The following SLC9A9 variants were observed in gnomAD, a reference collection of about 807,000 sequenced individuals.
The protein encoded by SLC9A9 is solute carrier family 9 member A9, also known as sodium/hydrogen exchanger 9.
A neutral mutation model predicts 77.8 loss-of-function variants in SLC9A9; 62 were observed. That is an observed-to-expected ratio of 0.80 (90% CI 0.65 to 0.98). The LOEUF (loss-of-function observed/expected upper bound fraction) is 0.98. SLC9A9 is among the 50% of genes least tolerant of loss of function. The pLI is 0.00. For synonymous variants in SLC9A9, 320 were observed against 283.5 expected, an observed-to-expected ratio of 1.13 and a Z score of -1.29; for missense variants, 775 against 774.9, an observed-to-expected ratio of 1.00 and a Z score of 0.00.
chr3:143,609,591 C>T (rs973396603), intron 6 of SLC9A9, among the ~76,000 whole-genome samples: 4 of 152,130 alleles, frequency 2.6e-5, no homozygotes, highest in Non-Finnish European at 1.5e-5. Context: ...TTTCCTCCCT[C>T]TCTGACACCC....
In SLC9A9 at chr3:143,495,330, G is replaced by A. The variant is rs767716984; in HGVS notation, c.1203+5C>T. The A allele has an allele frequency of 6.3e-7, 1 of 1,599,482 alleles. No individual in the cohort carries two copies. The highest frequency in any genetic ancestry group is 8.6e-7 in the Non-Finnish European group (1 of 1,166,718). ...TCACCCCATGTTCTGTATTTCAAAG[G>A]ATACAAAGGCTCCAAGTATAAAAAG... is the stretch of plus-strand genomic sequence containing the variant. On this transcript the variant is annotated splice_donor_5th_base_variant and intron_variant, in intron 10 of 15. Coordinates refer to ENST00000316549, the MANE Select transcript of SLC9A9 (RefSeq NM_173653.4).
chr3:143,563,831 G>C (rs1324677003), intron 8 of SLC9A9, among the ~76,000 whole-genome samples: 1 of 152,060 alleles, frequency 6.6e-6, no homozygotes, highest in Admixed American at 6.6e-5. Flanking sequence ...TAATATAAAT[G>C]GTTCAGTTTT....
chr3:143,624,502 C>T (rs2038280570), intron 6 of SLC9A9, among the ~76,000 whole-genome samples: 1 of 152,080 alleles, frequency 6.6e-6, no homozygotes, highest in South Asian at 2.1e-4. Context: ...TAAACAAAAC[C>T]AATGACAAAA....
intron 4 of SLC9A9, among the ~76,000 whole-genome samples, chr3:143,736,943 C>G (rs1934955457): frequency 6.6e-6 from 1 of 152,188 alleles, no homozygotes; most frequent in Non-Finnish European, 1.5e-5. Flanking sequence ...TTATTTCCCA[C>G]TTTCTCTGAC....
At chr3:143,559,560 GT>G (rs563044713) in intron 8 of SLC9A9, among the ~76,000 whole-genome samples, 69 of 143,414 alleles carry the variant, frequency 4.8e-4, no homozygotes, top group South Asian at 4.7e-3. Flanking sequence ...TTCAGTCTTT[GT>G]TTTTTTTTTT....
At chr3:143,740,411 C>T (rs1935047172) in intron 4 of SLC9A9, among the ~76,000 whole-genome samples, 1 of 152,126 alleles carries the variant, frequency 6.6e-6, no homozygotes, top group South Asian at 2.1e-4. Flanking sequence ...AGCCATTCCT[C>T]TGTTACTGTC....
At chr3:143,322,887 C>T (rs1215512348) in intron 14 of SLC9A9, among the ~76,000 whole-genome samples, 2 of 152,000 alleles carry the variant, frequency 1.3e-5, no homozygotes, top group Admixed American at 6.6e-5. Context: ...GGGGAAAAGA[C>T]ACCAAAGAAC....
At position 143,638,912 on chromosome 3, in the gene SLC9A9, ATTC is replaced by A. The variant is rs1457055150; in HGVS notation, c.755+13340_755+13342del. On this transcript the variant is annotated intron_variant, in intron 6 of 15. Coordinates refer to ENST00000316549, the MANE Select transcript of SLC9A9 (RefSeq NM_173653.4). Reference sequence around the variant, plus strand: ...AGCTCAAGTAATATGAGCAGATTATATTCTCCAGGCCAAGAGAGAGCTTTTAAT... The same window carrying A: ...AGCTCAAGTAATATGAGCAGATTATATCCAGGCCAAGAGAGAGCTTTTAAT... 2.0e-5 allele frequency among the ~76,000 whole-genome samples: 3 copies of A among 152,234 alleles called. No individual in the cohort carries two copies. In the South Asian group the frequency reaches 6.2e-4, roughly 31 times the overall value.
intron 12 of SLC9A9, among the ~76,000 whole-genome samples, chr3:143,410,492 C>T (rs1316017234): frequency 2.6e-5 from 4 of 152,220 alleles, no homozygotes; most frequent in African/African-American, 9.6e-5. Flanking sequence ...TTCGACTTCT[C>T]TTACTTCCTA....
intron 4 of SLC9A9, among the ~76,000 whole-genome samples, chr3:143,760,359 G>A (rs1283515373): frequency 1.3e-5 from 2 of 152,122 alleles, no homozygotes; most frequent in Non-Finnish European, 2.9e-5. Flanking sequence ...AATCAGGTAG[G>A]AGAAAGAAAT....
intron 14 of SLC9A9, among the ~76,000 whole-genome samples, chr3:143,342,718 T>C (rs1252080675): frequency 6.6e-6 from 1 of 152,218 alleles, no homozygotes; most frequent in African/African-American, 2.4e-5. Flanking sequence ...TATCACCTTA[T>C]TTCAAAAGAC....
chr3:143,823,480 G>C (rs1314888534), intron 2 of SLC9A9, among the ~76,000 whole-genome samples: 1 of 152,076 alleles, frequency 6.6e-6, no homozygotes, highest in Non-Finnish European at 1.5e-5. Context: ...ACATACTGGT[G>C]CCGCAAGACT....
rs112246651 is a variant in SLC9A9 at position 143,408,834 on chromosome 3, T to TA, written c.1470-26721dup. ...TCACTCTAAAGAGGTATGTGCAGCT[T>TA]AAAAAAAATCAAGAATTGGGCCATT... is the stretch of plus-strand genomic sequence containing the variant. On this transcript the variant is annotated intron_variant, in intron 12 of 15. Transcript: ENST00000316549. Among the ~76,000 whole-genome samples, 696 of 152,194 alleles carry TA rather than the reference T, an allele frequency of 4.6e-3. 12 individuals are homozygous for TA. The highest frequency in any genetic ancestry group is 4.2e-3 in the East Asian group (22 of 5,184).
intron 6 of SLC9A9, among the ~76,000 whole-genome samples, chr3:143,580,898 G>A (rs2037440238): frequency 6.6e-6 from 1 of 152,330 alleles, no homozygotes; most frequent in South Asian, 2.1e-4. Flanking sequence ...CATGTGACAA[G>A]TGACATATTT....
At chr3:143,574,806 A>G (rs995247068) in intron 7 of SLC9A9, among the ~76,000 whole-genome samples, 2 of 152,184 alleles carry the variant, frequency 1.3e-5, no homozygotes, top group African/African-American at 4.8e-5. Context: ...ACACTTGGTC[A>G]ATGGTCTATA....
chr3:143,653,370 T>G (rs991727142), intron 5 of SLC9A9, among the ~76,000 whole-genome samples: 1 of 152,174 alleles, frequency 6.6e-6, no homozygotes, highest in African/African-American at 2.4e-5. Flanking sequence ...CAGCAATCAT[T>G]AGGAAAATGA....
At chr3:143,758,629 T>C (rs2007008864) in intron 4 of SLC9A9, among the ~76,000 whole-genome samples, 1 of 151,950 alleles carries the variant, frequency 6.6e-6, no homozygotes, top group African/African-American at 2.4e-5. Context: ...AATTTCAAAA[T>C]AGAGGATAGT....
intron 4 of SLC9A9, among the ~76,000 whole-genome samples, chr3:143,781,752 A>G (rs1324388122): frequency 3.3e-5 from 5 of 152,254 alleles, no homozygotes; most frequent in African/African-American, 9.6e-5. Flanking sequence ...TTGTTCATCA[A>G]TGTTAACGCA....
chr3:143,421,688 G>T (rs1190332599), intron 12 of SLC9A9, among the ~76,000 whole-genome samples: 6 of 152,132 alleles, frequency 3.9e-5, no homozygotes, highest in East Asian at 1.9e-4. Context: ...CCTTGGCAAA[G>T]AATTTATGAC....
Sources: allele counts gnomAD v4.1 joint callset (sites outside exome capture counted in the v4.1 genomes callset), GRCh38; gene constraint gnomAD v4.1.1; transcripts MANE v1.5; gene names NCBI Gene and HGNC (gene_info 2026-07-23, HGNC 2026-07-21).